PRKD2: variants seen among roughly 807,000 people sequenced by gnomAD.
The protein encoded by PRKD2 is protein kinase D2, also known as serine/threonine-protein kinase D2.
PRKD2 carries 22 observed loss-of-function variants against 86.0 expected under a neutral mutation model. That is an observed-to-expected ratio of 0.26 (90% CI 0.18 to 0.37). The LOEUF (loss-of-function observed/expected upper bound fraction) is 0.37. Among genes scored for constraint, PRKD2 ranks in the 10% least tolerant of loss-of-function variants. The probability of loss-of-function intolerance (pLI) is 1.00; values close to 1 mark genes in which losing one functional copy is unlikely to be tolerated. For synonymous variants in PRKD2, 509 were observed against 510.9 expected (o/e 1.00, Z 0.05); for missense variants, 818 against 1,199.2 (o/e 0.68, Z 4.70).
At position 46,674,665 on chromosome 19, in the gene PRKD2, C is replaced by G; in HGVS notation, c.2495G>C (p.Ser832Thr). 1 of 1,606,792 alleles carries G rather than the reference C, an allele frequency of 6.2e-7. No homozygotes were observed. Among genetic ancestry groups the G allele is most frequent in the South Asian group, 1.1e-5 (1 of 91,066 alleles). Residue 832 changes from serine to threonine, a missense_variant, in exon 18 of 18, where the codon AGT becomes ACT. By Grantham distance (58) the Ser-to-Thr change is moderately conservative (BLOSUM62 1). Coordinates refer to ENST00000291281, the MANE Select transcript of PRKD2 (RefSeq NM_016457.5). ...AAACTGCTCCCAGCGCGCGTCGTCA[C>G]TCTCATGCGTGATGTATCGCTCTCC... ...KMGERYITHE[S>T]DDARWEQFAA...
At chr19:46,681,796 C>A in intron 14 of PRKD2, 48 bp from the exon 15 acceptor site, 1 of 1,275,816 alleles carries the variant, frequency 7.8e-7, no homozygotes, top group South Asian at 1.2e-5. Context: ...AGGTACTCAG[C>A]CAAATCCCAA....
rs557612080 is a variant in PRKD2 at position 46,684,128 on chromosome 19, T to A, written c.1972-2380A>T. 2.0e-3 allele frequency among the ~76,000 whole-genome samples: 311 copies of A among 152,238 alleles called. 2 individuals carry two copies. The highest frequency in any genetic ancestry group is 0.014 in the Middle Eastern group (4 of 294). ...TGTTTATTCTGATTGTTTTCTTTTT[T>A]AAAAAAATCTTTTTGTAGAGATGGC... On this transcript the variant is annotated intron_variant, in intron 14 of 17. Transcript: ENST00000291281.
chr19:46,711,936 C>T (rs533292460), intron 2 of PRKD2, among the ~76,000 whole-genome samples: 5 of 151,650 alleles, frequency 3.3e-5, no homozygotes, highest in South Asian at 4.2e-4. Context: ...GGCCTGGTGC[C>T]GCGTGCCTGT....
chr19:46,687,916 T>C lies in PRKD2; in HGVS notation c.1971+1621A>G, dbSNP rs182403470. Among the ~76,000 whole-genome samples, 386 of 152,288 alleles carry C rather than the reference T, an allele frequency of 2.5e-3. 6 individuals carry two copies. Among genetic ancestry groups the C allele is most frequent in the African/African-American group, 8.6e-3 (358 of 41,562 alleles). Reference sequence around the variant, plus strand: ...CACGGTCTCGCTCTGTCACCCAGGCTGGAGTGCAGTGGCACGGTCATAGCT... The same window carrying C: ...CACGGTCTCGCTCTGTCACCCAGGCCGGAGTGCAGTGGCACGGTCATAGCT... On this transcript the variant is annotated intron_variant, in intron 14 of 17. Transcript: ENST00000291281.
At chr19:46,697,299 A>G in intron 8 of PRKD2, 65 bp from the exon 9 acceptor site, 1 of 1,290,326 alleles carries the variant, frequency 7.7e-7, no homozygotes, top group Admixed American at 1.9e-5. Context: ...TATCCCGTGG[A>G]GCTGCTTGGG....
At chr19:46,690,739 A>G (rs776982757) in intron 12 of PRKD2, 33 bp from the exon 13 acceptor site, 10 of 1,582,304 alleles carry the variant, frequency 6.3e-6, no homozygotes, top group Non-Finnish European at 8.7e-6. Flanking sequence ...GGGGGATGAG[A>G]GAGCAAGACC....
intron 15 of PRKD2, among the ~76,000 whole-genome samples, chr19:46,679,767 G>A (rs1005659315): frequency 1.3e-5 from 2 of 152,152 alleles, no homozygotes; most frequent in African/African-American, 4.8e-5. Context: ...TGGGATCACA[G>A]GGACCCGCCA....
In PRKD2 at chr19:46,716,362, G is replaced by A. The variant is rs1283503145; in HGVS notation, c.9C>T (p.Thr3=). The change falls in exon 1 of 18, where the codon ACC becomes ACT. Residue 3 remains threonine (T), a synonymous_variant. Transcript: ENST00000291281. This position sits in a 1 kb window ranked among gnomAD's most constrained non-coding sequence, Gnocchi z 7.9. Reference sequence around the variant, plus strand: ...GGAGCCCGGCGGGATAAGAGGGGGCGGTGGCCATGGGGGGAGGCCGGGGAC... The same window carrying A: ...GGAGCCCGGCGGGATAAGAGGGGGCAGTGGCCATGGGGGGAGGCCGGGGAC... MA[T]APSYPAGLPG... is the part of the protein sequence containing the mutation. 2.8e-6 allele frequency: 4 copies of A among 1,430,872 alleles called. No individual in the cohort carries two copies. The highest frequency in any genetic ancestry group is 3.7e-6 in the Non-Finnish European group (4 of 1,093,292). 88.6% of individuals were successfully genotyped at this position (1,430,872 alleles called of 1,614,324 possible). A position where few individuals can be genotyped will look rare whatever the true frequency, so the allele number is the denominator to read the frequency against.
chr19:46,712,075 GAAAAA>G, intron 2 of PRKD2, among the ~76,000 whole-genome samples: 1 of 122,346 alleles, frequency 8.2e-6, no homozygotes, highest in African/African-American at 3.0e-5. Flanking sequence ...CTAAAAAAAA[GAAAAA>G]AAAAAAAAGC....
At chr19:46,680,946 A>ATATATTT in intron 15 of PRKD2, among the ~76,000 whole-genome samples, 1 of 48,256 alleles carries the variant, frequency 2.1e-5, no homozygotes. Flanking sequence ...ATATATATAT[A>ATATATTT]TTTTTTTTTT....
intron 16 of PRKD2, among the ~76,000 whole-genome samples, chr19:46,675,482 C>T (rs925514553): frequency 6.6e-6 from 1 of 152,150 alleles, no homozygotes; most frequent in African/African-American, 2.4e-5. Flanking sequence ...CTCGCTCTGT[C>T]GCCCAGGCTG....
At chr19:46,684,548 C>T (rs1327543264) in intron 14 of PRKD2, among the ~76,000 whole-genome samples, 1 of 152,184 alleles carries the variant, frequency 6.6e-6, no homozygotes, top group Non-Finnish European at 1.5e-5. Flanking sequence ...TCTCAAAACT[C>T]CTGACCTCAG....
In PRKD2 at chr19:46,693,983, T is replaced by C; in HGVS notation, c.1468A>G (p.Ser490Gly). ...EMPGGTPGGP[S>G]GQGAEAARGW... The stretch of plus-strand genomic sequence containing the variant: ...CGGGCGGCCTCAGCCCCCTGCCCAC[T>C]TGGCCCACCCGGAGTCCCGCCAGGC... Residue 490 changes from serine to glycine, a missense_variant, in exon 10 of 18, where the codon AGT becomes GGT. By Grantham distance (56) the Ser-to-Gly change is moderately conservative. Coordinates refer to ENST00000291281, the MANE Select transcript of PRKD2 (RefSeq NM_016457.5). The surrounding 1 kb of genome is among the most constrained non-coding windows in gnomAD (Gnocchi z 4.5). 3 of 1,613,420 alleles carry C rather than the reference T, an allele frequency of 1.9e-6. No homozygotes were observed. The highest frequency in any genetic ancestry group is 2.5e-6 in the Non-Finnish European group (3 of 1,179,988).
chr19:46,674,643 C>A lies in PRKD2; in HGVS notation c.2517G>T (p.Gln839His), dbSNP rs757614240. The A allele has an allele frequency of 1.1e-5, 17 of 1,607,858 alleles. No individual in the cohort carries two copies. Among genetic ancestry groups the A allele is most frequent in the Non-Finnish European group, 1.4e-5 (17 of 1,179,956 alleles). ...THESDDARWE[Q>H]FAAEHPLPGS... ...CAGGCAGCGGATGCTCTGCTGCAAACTGCTCCCAGCGCGCGTCGTCACTCT... is the reference window on the plus strand; with the variant it reads ...CAGGCAGCGGATGCTCTGCTGCAAAATGCTCCCAGCGCGCGTCGTCACTCT... The change falls in exon 18 of 18, where the codon CAG becomes CAT. Residue 839 changes from glutamine (Q) to histidine (H), a missense_variant. By Grantham distance (24) the Gln-to-His change is conservative. Coordinates refer to ENST00000291281, the MANE Select transcript of PRKD2 (RefSeq NM_016457.5).
At chr19:46,702,237 T>C (rs931074605) in intron 5 of PRKD2, among the ~76,000 whole-genome samples, 15 of 151,786 alleles carry the variant, frequency 9.9e-5, no homozygotes, top group Non-Finnish European at 2.1e-4. Context: ...ATGGGGTCTT[T>C]CCATGTTGTA....
At chr19:46,703,644 C>T (rs555246047) in intron 5 of PRKD2, among the ~76,000 whole-genome samples, 11 of 151,952 alleles carry the variant, frequency 7.2e-5, no homozygotes, top group African/African-American at 2.7e-4. Flanking sequence ...TGGTGGCGGG[C>T]GCCTGTAGTC....
chr19:46,700,760 G>A, intron 7 of PRKD2, 39 bp downstream of exon 7: 2 of 1,593,466 alleles, frequency 1.3e-6, no homozygotes, highest in Non-Finnish European at 1.7e-6. Context: ...TGTGCAGGAG[G>A]GTCTTCCCCC....
intron 14 of PRKD2, chr19:46,685,678 A>T (rs1467401279): frequency 6.6e-6 from 1 of 152,106 alleles, no homozygotes; most frequent in African/African-American, 2.4e-5. Context: ...GCCGGGCACG[A>T]TGGCTCATGC....
rs1188153851 is a variant in PRKD2 at position 46,711,058 on chromosome 19, G to A, written c.380-20C>T. ...CCGAGGCTGTAGGCGGAAAATAGGG[G>A]TGGATGCTTGAGGCGGGGTAGGCCA... On this transcript the variant is annotated intron_variant, in intron 2 of 17. Transcript: ENST00000291281. 1 of 1,570,018 alleles carries A rather than the reference G, an allele frequency of 6.4e-7. No individual in the cohort carries two copies. Among genetic ancestry groups the A allele is most frequent in the South Asian group, 1.2e-5 (1 of 85,652 alleles).
Sources: gnomAD v4.1 joint callset for allele counts (sites outside exome capture counted in the v4.1 genomes callset) on GRCh38, gnomAD v4.1.1 for gene constraint, Gnocchi (gnomAD v3.1) non-coding constraint, MANE v1.5 for transcripts, NCBI Gene and HGNC (gene_info 2026-07-23, HGNC 2026-07-21) for gene names.